The following AGBL4 variants were observed in gnomAD, a reference collection of about 807,000 sequenced individuals.
The protein encoded by AGBL4 is AGBL carboxypeptidase 4, also known as cytosolic carboxypeptidase 6.
Under a neutral mutation model 66.4 loss-of-function variants are expected in AGBL4, and 58 were observed. The ratio of observed to expected loss-of-function variants is 0.87; its 90% CI spans 0.71 to 1.09. The LOEUF is 1.09. Among genes scored for constraint, AGBL4 ranks in the 50% least tolerant of loss-of-function variants. The pLI, the probability that AGBL4 is intolerant of heterozygous loss-of-function variation, is 0.00. For missense variants in AGBL4, 579 were observed against 631.0 expected (o/e 0.92, Z 0.88); for synonymous variants, 234 against 222.9 (o/e 1.05, Z -0.44).
At chr1:49,150,939 G>A (rs915033447) in intron 4 of AGBL4, among the ~76,000 whole-genome samples, 2 of 152,012 alleles carry the variant, frequency 1.3e-5, no homozygotes, top group African/African-American at 4.8e-5. Context: ...ATAGATTAAT[G>A]AAAATTAAAA....
chr1:48,625,145 C>G (rs1645482853), intron 9 of AGBL4, among the ~76,000 whole-genome samples: 1 of 148,304 alleles, frequency 6.7e-6, no homozygotes. Context: ...TCCTTCCTTT[C>G]TCTTTCTCTC....
intron 3 of AGBL4, among the ~76,000 whole-genome samples, chr1:49,448,654 A>T (rs1646211559): frequency 6.6e-6 from 1 of 152,202 alleles, no homozygotes; most frequent in Non-Finnish European, 1.5e-5. Context: ...CAATCCACAA[A>T]GGTAAGAAGA....
chr1:50,023,783 C>A lies in AGBL4; in HGVS notation c.14G>T (p.Ser5Ile). 6.5e-7 allele frequency: 1 copy of A among 1,549,596 alleles called. No homozygotes were observed. Among genetic ancestry groups the A allele is most frequent in the Non-Finnish European group, 8.7e-7 (1 of 1,146,140 alleles). The change falls in exon 1 of 14, where the codon AGC (serine) becomes ATC (isoleucine). Residue 5 changes from serine to isoleucine, a missense_variant. Ser to Ile is a moderately radical substitution (Grantham distance 142). Coordinates refer to ENST00000371839, the MANE Select transcript of AGBL4 (RefSeq NM_032785.4). The part of the protein sequence containing the change: MAEG[S>I]QSAPEAGNDM... Reference sequence around the variant, plus strand: ...CAGACCTGCCTCAGGCGCCGACTGGCTCCCCTCCGCCATTTTTGTTGTCCC... The same window carrying A: ...CAGACCTGCCTCAGGCGCCGACTGGATCCCCTCCGCCATTTTTGTTGTCCC...
rs555974170 is a variant in AGBL4 at position 49,147,847 on chromosome 1, A to G, written c.377+97923T>C. On this transcript the variant is annotated intron_variant, in intron 4 of 13. Coordinates refer to ENST00000371839, the MANE Select transcript of AGBL4 (RefSeq NM_032785.4). ...CAGGGAAGGAGAGGGGGGGTGACAA[A>G]GCCCTGTGGCCAGGTCTTAGGCTGG... 1.6e-3 allele frequency among the ~76,000 whole-genome samples: 237 copies of G among 152,152 alleles called. 4 individuals are homozygous for G. Among genetic ancestry groups the G allele is most frequent in the African/African-American group, 5.5e-3 (230 of 41,520 alleles).
intron 4 of AGBL4, among the ~76,000 whole-genome samples, chr1:49,110,390 G>A (rs1645382692): frequency 1.3e-5 from 2 of 152,124 alleles, no homozygotes; most frequent in African/African-American, 4.8e-5. Context: ...GGCTATCATG[G>A]TAAGTAGGTT....
chr1:49,461,284 C>T (rs1167265), intron 3 of AGBL4, among the ~76,000 whole-genome samples: 7,511 of 151,362 alleles, frequency 0.05, 572 homozygotes, highest in African/African-American at 0.16. Flanking sequence ...TTCTTGCAGG[C>T]TTTGTTCATT....
chr1:48,650,459 TTCC>T (rs1645909934), intron 8 of AGBL4, among the ~76,000 whole-genome samples: 2 of 149,376 alleles, frequency 1.3e-5, no homozygotes, highest in Non-Finnish European at 1.5e-5. Flanking sequence ...CCTTCCTTCC[TTCC>T]TTCCTTCCTT....
At chr1:49,051,769 C>G (rs997323231) in intron 4 of AGBL4, among the ~76,000 whole-genome samples, 2 of 152,142 alleles carry the variant, frequency 1.3e-5, no homozygotes, top group Non-Finnish European at 2.9e-5. Context: ...TAATAGTACT[C>G]CTGTCACCAG....
chr1:49,240,221 A>G (rs1049500761), intron 4 of AGBL4, among the ~76,000 whole-genome samples: 1 of 152,142 alleles, frequency 6.6e-6, no homozygotes, highest in African/African-American at 2.4e-5. Context: ...CATTCAAAGA[A>G]TGTTAAAATT....
intron 2 of AGBL4, chr1:49,845,998 C>T: frequency 1.9e-6 from 3 of 1,592,788 alleles, no homozygotes; most frequent in Non-Finnish European, 2.6e-6. Flanking sequence ...AGGAGAAGCC[C>T]TACAAATGCA....
chr1:49,308,031 A>T (rs1412487017), intron 3 of AGBL4, among the ~76,000 whole-genome samples: 1 of 151,880 alleles, frequency 6.6e-6, no homozygotes, highest in Non-Finnish European at 1.5e-5. Context: ...TTCTCATGAG[A>T]TCAGTTTAAG....
At chr1:48,601,931 A>T (rs1251701992) in intron 9 of AGBL4, among the ~76,000 whole-genome samples, 1 of 152,188 alleles carries the variant, frequency 6.6e-6, no homozygotes, top group African/African-American at 2.4e-5. Context: ...AAGACAAAAA[A>T]ATCAGGGAGC....
At chr1:49,998,260 A>G (rs1470087659) in intron 1 of AGBL4, among the ~76,000 whole-genome samples, 3 of 152,154 alleles carry the variant, frequency 2.0e-5, no homozygotes, top group Non-Finnish European at 4.4e-5. Flanking sequence ...AGATATTACA[A>G]CTGATACCAC....
chr1:48,555,628 G>A (rs750076331), intron 11 of AGBL4, among the ~76,000 whole-genome samples: 1 of 152,148 alleles, frequency 6.6e-6, no homozygotes, highest in Non-Finnish European at 1.5e-5. Context: ...AGCCAGGGGA[G>A]GGTTTTAAGA....
intron 3 of AGBL4, among the ~76,000 whole-genome samples, chr1:49,580,841 A>G (rs1644528570): frequency 6.6e-6 from 1 of 152,172 alleles, no homozygotes; most frequent in Admixed American, 6.5e-5. Context: ...ATATGCCACA[A>G]TAAAGTCCTT....
intron 5 of AGBL4, among the ~76,000 whole-genome samples, chr1:48,976,670 T>C (rs1659361136): frequency 6.6e-6 from 1 of 152,136 alleles, no homozygotes; most frequent in South Asian, 2.1e-4. Context: ...ATTGGTCTTA[T>C]CCTTGCAGTT....
At chr1:49,086,629 G>T (rs780120818) in intron 4 of AGBL4, among the ~76,000 whole-genome samples, 7 of 151,858 alleles carry the variant, frequency 4.6e-5, no homozygotes, top group African/African-American at 1.7e-4. Context: ...GCCAAGGGGC[G>T]CAGGCTCCCA....
chr1:49,337,852 C>T (rs907240215), intron 3 of AGBL4, among the ~76,000 whole-genome samples: 1 of 152,184 alleles, frequency 6.6e-6, no homozygotes, highest in Non-Finnish European at 1.5e-5. Flanking sequence ...TTGCAAAGTG[C>T]CAATCTCCAC....
chr1:49,370,608 C>A (rs1461930687), intron 3 of AGBL4, among the ~76,000 whole-genome samples: 1 of 152,100 alleles, frequency 6.6e-6, no homozygotes, highest in Non-Finnish European at 1.5e-5. Context: ...CAATTTGCAC[C>A]ACAGCCTAGC....
Sources: allele counts gnomAD v4.1 joint callset (sites outside exome capture counted in the v4.1 genomes callset), GRCh38; gene constraint gnomAD v4.1.1; transcripts MANE v1.5; gene names NCBI Gene and HGNC (gene_info 2026-07-23, HGNC 2026-07-21).